HSP90AA1: variants seen among roughly 807,000 people sequenced by gnomAD.
HSP90AA1 encodes the protein heat shock protein HSP 90-alpha.
HSP90AA1 carries 18 observed loss-of-function variants against 73.3 expected under a neutral mutation model. The observed-to-expected ratio is 0.25, with a 90% CI of 0.17 to 0.36. The LOEUF is 0.36. Among genes scored for constraint, HSP90AA1 ranks in the 10% least tolerant of loss-of-function variants. The pLI is 1.00. For missense variants in HSP90AA1, 704 were observed against 874.2 expected, an observed-to-expected ratio of 0.81 and a Z score of 2.45; for synonymous variants, 477 against 296.9, an observed-to-expected ratio of 1.61 and a Z score of -6.24.
intron 1 of HSP90AA1, among the ~76,000 whole-genome samples, chr14:102,116,881 A>G (rs1366846808): frequency 6.6e-6 from 1 of 152,136 alleles, no homozygotes; most frequent in East Asian, 1.9e-4. Context: ...AGCTCCATGC[A>G]GTGGTGGGAG....
At chr14:102,129,492 T>C (rs951878065) in intron 1 of HSP90AA1, among the ~76,000 whole-genome samples, 2 of 144,018 alleles carry the variant, frequency 1.4e-5, no homozygotes, top group Non-Finnish European at 3.0e-5. Context: ...TTTCTGTCTC[T>C]ATACTACATT....
chr14:102,110,654 A>T (rs552388152), intron 1 of HSP90AA1, among the ~76,000 whole-genome samples: 89 of 149,842 alleles, frequency 5.9e-4, no homozygotes, highest in African/African-American at 2.1e-3. Context: ...ATCTTGGCTC[A>T]CTGCAAGCTC....
At chr14:102,132,563 G>GA (rs1595682430) in intron 1 of HSP90AA1, among the ~76,000 whole-genome samples, 1 of 151,730 alleles carries the variant, frequency 6.6e-6, no homozygotes, top group Admixed American at 6.6e-5. Context: ...AAAGGAAAAA[G>GA]AAAAAAAATT....
At chr14:102,131,169 T>G (rs1351246957) in intron 1 of HSP90AA1, among the ~76,000 whole-genome samples, 3 of 152,200 alleles carry the variant, frequency 2.0e-5, no homozygotes, top group African/African-American at 7.2e-5. Flanking sequence ...AAAACGGAAT[T>G]CCTGATCTTC....
chr14:102,089,456 C>T (rs1027493578), upstream of HSP90AA1, among the ~76,000 whole-genome samples: 1 of 152,170 alleles, frequency 6.6e-6, no homozygotes, highest in Non-Finnish European at 1.5e-5. Context: ...TCCACAGTTA[C>T]CCACCAGGTG....
At chr14:102,096,101 T>C (rs1000151696) in intron 2 of HSP90AA1, among the ~76,000 whole-genome samples, 4 of 151,714 alleles carry the variant, frequency 2.6e-5, no homozygotes, top group Non-Finnish European at 5.9e-5. Context: ...CCAAGGCACC[T>C]CCAGCCCTGC....
chr14:102,091,503 G>C (rs2049357392), upstream of HSP90AA1, among the ~76,000 whole-genome samples: 1 of 152,026 alleles, frequency 6.6e-6, no homozygotes, highest in African/African-American at 2.4e-5. Context: ...GCACACACCT[G>C]TAGTCCCAGC....
rs753674445 is a variant in HSP90AA1, at chr14:102,084,948, C to T, written c.714G>A (p.Lys238=). ...TTTCTTTTTCTTCTTCTTTGTCTTC[C>T]TTTTCTTCAGCCTCATCATCGCTTA... ...KEVSDDEAEE[K]EDKEEEKEKE... The change falls in exon 5 of 11, where the codon AAG becomes AAA. Residue 238 remains lysine, a synonymous_variant. Transcript: ENST00000216281. 3 of 1,604,174 alleles carry T rather than the reference C, an allele frequency of 1.9e-6. No individual in the cohort carries two copies. The highest frequency in any genetic ancestry group is 2.2e-5 in the East Asian group (1 of 44,838).
intron 1 of HSP90AA1, among the ~76,000 whole-genome samples, chr14:102,121,157 C>T (rs1485966198): frequency 6.6e-6 from 1 of 152,004 alleles, no homozygotes; most frequent in Admixed American, 6.6e-5. Context: ...CTGCCTCAGC[C>T]TTCCAAAGTG....
chr14:102,081,180 C>T lies in HSP90AA1; in HGVS notation c.*532G>A, dbSNP rs1479576222. 4.3e-6 allele frequency: 1 copy of T among 234,472 alleles called. No homozygotes were observed. The highest frequency in any genetic ancestry group is 8.5e-6 in the Non-Finnish European group (1 of 118,084). 14.5% of individuals were successfully genotyped at this position (234,472 alleles called of 1,614,324 possible). A position where few individuals can be genotyped will look rare whatever the true frequency, so the allele number is the denominator to read the frequency against. On this transcript the variant is annotated 3_prime_UTR_variant, in exon 11 of 11. Transcript: ENST00000216281. ...ATGCTTAGGTAGGCTTTTAACTTTGCTCCTCCAAACAATACTTTTCTTTGG... is the reference window on the plus strand; with the variant it reads ...ATGCTTAGGTAGGCTTTTAACTTTGTTCCTCCAAACAATACTTTTCTTTGG...
intron 2 of HSP90AA1, 32 bp downstream of exon 2, chr14:102,086,185 A>G (rs1419972351): frequency 1.2e-6 from 2 of 1,614,110 alleles, no homozygotes; most frequent in African/African-American, 1.3e-5. Context: ...CACTGAAACC[A>G]AAATCCGATT....
chr14:102,138,950 G>T (rs34917280), intron 1 of HSP90AA1, among the ~76,000 whole-genome samples: 8 of 151,824 alleles, frequency 5.3e-5, no homozygotes, highest in African/African-American at 1.9e-4. Flanking sequence ...TCCACCTGAG[G>T]CTTCTGGAAA....
At chr14:102,097,748 C>CA (rs113583509) in intron 2 of HSP90AA1, among the ~76,000 whole-genome samples, 7,086 of 152,258 alleles carry the variant, frequency 0.047, 561 homozygotes, top group African/African-American at 0.16. Flanking sequence ...AGCCAGGGAT[C>CA]ACCTGGCTGT....
In HSP90AA1 at chr14:102,083,010, T is replaced by C. The variant is rs1457617762; in HGVS notation, c.1755+24A>G. The C allele has an allele frequency of 1.9e-6, 3 of 1,608,082 alleles. No individual in the cohort carries two copies. In the African/African-American group the frequency reaches 4.0e-5, roughly 22 times the overall value. On this transcript the variant is annotated intron_variant, in intron 9 of 10. Coordinates refer to ENST00000216281, the MANE Select transcript of HSP90AA1 (RefSeq NM_005348.4). Reference sequence around the variant, plus strand: ...GAAAGCACCTTAGAAGTATCAATGATCAGGAAATGCTGTATTCACATACCT... The same window carrying C: ...GAAAGCACCTTAGAAGTATCAATGACCAGGAAATGCTGTATTCACATACCT...
chr14:102,084,930 T>G lies in HSP90AA1; in HGVS notation c.732A>C (p.Glu244Asp). ...CCGACTCTTTCTCTTCTTTTTCTTTTTCTTCTTCTTTGTCTTCCTTTTCTT... is the reference window on the plus strand; with the variant it reads ...CCGACTCTTTCTCTTCTTTTTCTTTGTCTTCTTCTTTGTCTTCCTTTTCTT... ...EAEEKEDKEE[E>D]KEKEEKESED... Residue 244 changes from glutamate to aspartate, a missense_variant, in exon 5 of 11, where the codon GAA (glutamate) becomes GAC (aspartate). Glu to Asp is a conservative substitution (Grantham distance 45). Transcript: ENST00000216281. The G allele has an allele frequency of 6.3e-7, 1 of 1,594,004 alleles. No individual in the cohort carries two copies. The highest frequency in any genetic ancestry group is 2.2e-5 in the East Asian group (1 of 44,756).
intron 1 of HSP90AA1, among the ~76,000 whole-genome samples, chr14:102,110,414 G>C (rs2049624597): frequency 7.0e-6 from 1 of 142,566 alleles, no homozygotes; most frequent in African/African-American, 2.9e-5. Flanking sequence ...TTGTTTGTTT[G>C]TTTGTTTGTT....
rs564969774 is a variant in HSP90AA1, at chr14:102,081,510, C to CA, written c.*201dup. Reference sequence around the variant, plus strand: ...TGTGAAAATAAACCAACATGAAACTCAAAAAGCATTACTAGCTCTGCTTTA... The same window carrying CA: ...TGTGAAAATAAACCAACATGAAACTCAAAAAAGCATTACTAGCTCTGCTTTA... On this transcript the variant is annotated 3_prime_UTR_variant, in exon 11 of 11. Transcript: ENST00000216281. The CA allele has an allele frequency of 1.4e-4, 83 of 601,274 alleles. 1 individual carries two copies. The East Asian group carries it at 1.5e-3, about 11-fold the overall frequency. The allele number at this position is 601,274 out of a possible 1,614,324, so 37.2% of individuals were successfully genotyped here.
At chr14:102,139,231 A>G in intron 1 of HSP90AA1, 1 of 1,613,938 alleles carries the variant, frequency 6.2e-7, no homozygotes, top group Non-Finnish European at 8.5e-7. Flanking sequence ...TGAAGCGTAA[A>G]TCTTGAGTCC....
chr14:102,139,273 G>A (rs1311521740), exon 1 of HSP90AA1: 1 of 1,614,132 alleles, frequency 6.2e-7, no homozygotes, highest in South Asian at 1.1e-5. Flanking sequence ...GCGGCGAGGA[G>A]GCTTCAGAGG....
Sources: allele counts gnomAD v4.1 joint callset (sites outside exome capture counted in the v4.1 genomes callset), GRCh38; gene constraint gnomAD v4.1.1; transcripts MANE v1.5; gene names NCBI Gene and HGNC (gene_info 2026-07-23, HGNC 2026-07-21).